The following NTRK3 variants were observed in gnomAD, a reference collection of about 807,000 sequenced individuals.
The protein encoded by NTRK3 is neurotrophic receptor tyrosine kinase 3.
Under a neutral mutation model 91.7 loss-of-function variants are expected in NTRK3, and 24 were observed. That is an observed-to-expected ratio of 0.26 (90% CI 0.19 to 0.37). NTRK3 has a LOEUF of 0.37. NTRK3 is among the 10% of genes least tolerant of loss of function. The pLI, the probability that NTRK3 is intolerant of heterozygous loss-of-function variation, is 1.00. For synonymous variants in NTRK3, 483 were observed against 404.0 expected (o/e 1.20, Z -2.34); for missense variants, 880 against 1,068.9 (o/e 0.82, Z 2.46).
At chr15:88,244,393 A>C (rs2052640397) in intron 3 of NTRK3, among the ~76,000 whole-genome samples, 1 of 152,238 alleles carries the variant, frequency 6.6e-6, no homozygotes, top group African/African-American at 2.4e-5. Flanking sequence ...ACGTGCTCAC[A>C]GTTTAAAAAA....
chr15:87,916,767 C>T (rs868008707), intron 17 of NTRK3, among the ~76,000 whole-genome samples: 63 of 142,998 alleles, frequency 4.4e-4, no homozygotes, highest in Non-Finnish European at 5.4e-4. Flanking sequence ...AAGCACAAGG[C>T]TTTTTTTTTT....
chr15:87,885,728 T>C (rs760689520), intron 17 of NTRK3: 110 of 1,347,386 alleles, frequency 8.2e-5, no homozygotes, highest in Non-Finnish European at 9.5e-5. Flanking sequence ...TCCAGATGGA[T>C]TAAAGAGCTA....
exon 14 of NTRK3, chr15:88,033,037 C>A (rs2142023847): frequency 6.3e-7 from 1 of 1,583,454 alleles, no homozygotes; most frequent in Non-Finnish European, 8.6e-7. Flanking sequence ...CTGATGACAG[C>A]CACGGGACCT....
intron 13 of NTRK3, among the ~76,000 whole-genome samples, chr15:88,054,435 T>C (rs1309468918): frequency 6.6e-6 from 1 of 152,174 alleles, no homozygotes; most frequent in Non-Finnish European, 1.5e-5. Context: ...GACCTGCAGC[T>C]GGTTATAAGC....
chr15:88,041,348 C>T (rs184262028), intron 13 of NTRK3, among the ~76,000 whole-genome samples: 3 of 152,342 alleles, frequency 2.0e-5, no homozygotes, highest in Admixed American at 1.3e-4. Context: ...CACTTCCCAA[C>T]TCAGAAGCCC....
exon 19 of NTRK3, chr15:87,862,285 A>C (rs761312819): frequency 4.5e-6 from 1 of 224,222 alleles, no homozygotes; most frequent in Non-Finnish European, 8.9e-6. Context: ...CGTTCCACTG[A>C]ACTTGCTCCT....
At position 88,158,686 on chromosome 15, in the gene NTRK3, T is replaced by C. The variant is rs576583183; in HGVS notation, c.396-11283A>G. On this transcript the variant is annotated intron_variant, in intron 5 of 18. Transcript: ENST00000394480. ...CTTTTCAGATAAATTAACCTAAGGCTAATTACCCTGAAGCATGTGAGCTCT... is the reference window on the plus strand; with the variant it reads ...CTTTTCAGATAAATTAACCTAAGGCCAATTACCCTGAAGCATGTGAGCTCT... Among the ~76,000 whole-genome samples, 13 of 152,306 alleles carry C rather than the reference T, an allele frequency of 8.5e-5. No homozygotes were observed. The East Asian group carries it at 2.5e-3, about 29-fold the overall frequency.
intron 14 of NTRK3, among the ~76,000 whole-genome samples, chr15:88,017,835 G>GA (rs1567233828): frequency 6.6e-6 from 1 of 152,160 alleles, no homozygotes; most frequent in Non-Finnish European, 1.5e-5. Flanking sequence ...TCTATTTTCA[G>GA]AATTACACTG....
At chr15:88,247,659 C>T (rs1017685915) in intron 3 of NTRK3, among the ~76,000 whole-genome samples, 10 of 152,112 alleles carry the variant, frequency 6.6e-5, no homozygotes, top group Non-Finnish European at 1.0e-4. Flanking sequence ...CTCAGAAGTG[C>T]GAGGCCAGTG....
rs1270979171 is a variant in NTRK3, at chr15:88,235,467, A to G, written c.248+20439T>C. Among the ~76,000 whole-genome samples the G allele has an allele frequency of 6.6e-6, 1 of 152,204 alleles. No homozygotes were observed. ...AGCTAAACCATTGTGGGAGAGAGACACAAGCCCAGGGGAGTTGCCTTTCTG... is the reference window on the plus strand; with the variant it reads ...AGCTAAACCATTGTGGGAGAGAGACGCAAGCCCAGGGGAGTTGCCTTTCTG... On this transcript the variant is annotated intron_variant, in intron 3 of 18. Coordinates refer to ENST00000394480, the Ensembl canonical transcript of NTRK3. The surrounding 1 kb of genome is among the most constrained non-coding windows in gnomAD (Gnocchi z 5.2).
intron 5 of NTRK3, among the ~76,000 whole-genome samples, chr15:88,149,326 G>A (rs542566825): frequency 4.8e-4 from 73 of 152,256 alleles, no homozygotes; most frequent in Middle Eastern, 6.8e-3. Context: ...GCAGGGTACT[G>A]GAGGAGAAGG....
chr15:88,157,054 G>A (rs147389815), intron 5 of NTRK3, among the ~76,000 whole-genome samples: 12 of 151,982 alleles, frequency 7.9e-5, no homozygotes, highest in Admixed American at 7.9e-4. Flanking sequence ...GCAGGGTGCG[G>A]CTTCTGCTCC....
At chr15:87,994,113 C>T (rs1213109058) in intron 14 of NTRK3, among the ~76,000 whole-genome samples, 1 of 152,084 alleles carries the variant, frequency 6.6e-6, no homozygotes, top group Non-Finnish European at 1.5e-5. Flanking sequence ...GTCATAAGAT[C>T]ACATGCGGGT....
chr15:88,244,660 G>A (rs1342326893), intron 3 of NTRK3, among the ~76,000 whole-genome samples: 1 of 152,176 alleles, frequency 6.6e-6, no homozygotes, highest in African/African-American at 2.4e-5. Flanking sequence ...TCATGGTCTA[G>A]TGCCCTCTTG....
intron 14 of NTRK3, among the ~76,000 whole-genome samples, chr15:87,960,374 CCTT>C (rs1174607985): frequency 6.6e-6 from 1 of 152,184 alleles, no homozygotes; most frequent in East Asian, 1.9e-4. Context: ...GCTTTTATCT[CCTT>C]TTTTTTCCAT....
intron 17 of NTRK3, among the ~76,000 whole-genome samples, chr15:87,916,762 C>A (rs144272129): frequency 1.2e-3 from 184 of 151,144 alleles, no homozygotes; most frequent in African/African-American, 4.3e-3. Flanking sequence ...ATGAAAAGCA[C>A]AAGGCTTTTT....
chr15:87,989,747 C>A (rs1425775561), intron 14 of NTRK3, among the ~76,000 whole-genome samples: 7 of 151,646 alleles, frequency 4.6e-5, no homozygotes, highest in African/African-American at 7.3e-5. Flanking sequence ...GCTGGGATTA[C>A]AGGTGCACAC....
At position 87,860,817 on chromosome 15, in the gene NTRK3, G is replaced by A. The variant is rs571095203; in HGVS notation, c.*16118C>T. On this transcript the variant is annotated 3_prime_UTR_variant, in exon 19 of 19. Transcript: ENST00000394480. ...TGGGAGAAAAACAAACGAGCATCAC[G>A]TAGGAGTATTTCTAAGTCATAAAAT... is the stretch of plus-strand genomic sequence containing the variant. 33 of 214,740 alleles carry A rather than the reference G, an allele frequency of 1.5e-4. 2 individuals are homozygous for A. In the South Asian group the frequency reaches 5.6e-3, roughly 36 times the overall value. The allele number at this position is 214,740 out of a possible 1,614,324, so 13.3% of individuals were successfully genotyped here.
intron 17 of NTRK3, among the ~76,000 whole-genome samples, chr15:87,883,509 G>A (rs1329922993): frequency 6.6e-6 from 1 of 150,828 alleles, no homozygotes; most frequent in African/African-American, 2.4e-5. Context: ...GAAAGATCAA[G>A]AAGACAACAT....
Sources: gnomAD v4.1 joint callset for allele counts (sites outside exome capture counted in the v4.1 genomes callset) on GRCh38, gnomAD v4.1.1 for gene constraint, Gnocchi (gnomAD v3.1) non-coding constraint, MANE v1.5 for transcripts, NCBI Gene and HGNC (gene_info 2026-07-23, HGNC 2026-07-21) for gene names.